DENND2B: variants seen among roughly 807,000 people sequenced by gnomAD.
DENND2B encodes DENN domain-containing protein 2B.
A neutral mutation model predicts 116.0 loss-of-function variants in DENND2B; 32 were observed. The ratio of observed to expected loss-of-function variants is 0.28; its 90% confidence interval spans 0.21 to 0.37. The LOEUF is 0.37. Ranked by LOEUF, DENND2B falls within the 10% of genes least tolerant of loss-of-function variation. DENND2B has a pLI of 1.00. For missense variants in DENND2B, 1,276 were observed against 1,477.7 expected (o/e 0.86, Z 2.24); for synonymous variants, 588 against 583.9 (o/e 1.01, Z -0.10).
intron 1 of DENND2B, among the ~76,000 whole-genome samples, chr11:8,807,666 T>C (rs1170867164): frequency 6.6e-6 from 1 of 152,156 alleles, no homozygotes; most frequent in Non-Finnish European, 1.5e-5. Flanking sequence ...TTTTTAATCC[T>C]TAAGGAACAT....
intron 11 of DENND2B, 157 bp from the exon 12 acceptor site, chr11:8,708,011 T>C (rs1592481162): frequency 6.5e-7 from 1 of 1,527,000 alleles, no homozygotes; most frequent in Non-Finnish European, 8.8e-7. Context: ...ACCAGAGCCC[T>C]GAAGGAACAG....
chr11:8,780,383 A>G (rs1054359642), intron 1 of DENND2B, among the ~76,000 whole-genome samples: 1 of 152,216 alleles, frequency 6.6e-6, no homozygotes, highest in Non-Finnish European at 1.5e-5. Context: ...AAGCTTAGGT[A>G]GAAGGAGATT....
chr11:8,781,472 GCAATAC>G (rs947766158), intron 1 of DENND2B, among the ~76,000 whole-genome samples: 4 of 152,100 alleles, frequency 2.6e-5, no homozygotes, highest in Non-Finnish European at 4.4e-5. Context: ...CAAAGAAGGG[GCAATAC>G]CACTTTTTGT....
intron 2 of DENND2B, among the ~76,000 whole-genome samples, chr11:8,735,718 TCCACCAGTCTTTGCTC>T (rs917124351): frequency 6.6e-6 from 1 of 152,216 alleles, no homozygotes; most frequent in African/African-American, 2.4e-5. Context: ...AGAATCAGCT[TCCACCAGTCTTTGCTC>T]CCAGGCTGAA....
At chr11:8,718,006 C>T in intron 4 of DENND2B, 114 bp from the exon 5 acceptor site, 3 of 1,241,720 alleles carry the variant, frequency 2.4e-6, no homozygotes, top group Middle Eastern at 2.0e-4. Context: ...ATGGCTTCTG[C>T]CTGGCCCCTC....
At chr11:8,823,490 C>G (rs1288034461) in intron 4 of DENND2B, among the ~76,000 whole-genome samples, 1 of 152,108 alleles carries the variant, frequency 6.6e-6, no homozygotes, top group African/African-American at 2.4e-5. Flanking sequence ...ATTGTAGTTC[C>G]CATAATCCCC....
intron 4 of DENND2B, among the ~76,000 whole-genome samples, chr11:8,838,852 G>T (rs1055062997): frequency 6.6e-6 from 1 of 152,164 alleles, no homozygotes; most frequent in African/African-American, 2.4e-5. Flanking sequence ...CACAAAAAGT[G>T]CTCACCAACA....
intron 3 of DENND2B, among the ~76,000 whole-genome samples, chr11:8,839,740 C>T (rs1334369541): frequency 1.3e-5 from 2 of 152,204 alleles, no homozygotes; most frequent in East Asian, 3.8e-4. Flanking sequence ...CCAGGACACA[C>T]ATTCCTAAGG....
intron 4 of DENND2B, among the ~76,000 whole-genome samples, chr11:8,822,576 G>C (rs1275720577): frequency 6.6e-6 from 1 of 152,334 alleles, no homozygotes. Context: ...TACTGAGATA[G>C]GATTTAAAAC....
At chr11:8,863,681 C>T (rs572381626) in intron 2 of DENND2B, among the ~76,000 whole-genome samples, 1 of 152,202 alleles carries the variant, frequency 6.6e-6, no homozygotes, top group South Asian at 2.1e-4. Context: ...AAGAAGGATT[C>T]AATTAATATA....
chr11:8,761,851 A>C lies in DENND2B; in HGVS notation c.-25-11126T>G, dbSNP rs549353734. 5.9e-5 allele frequency among the ~76,000 whole-genome samples: 9 copies of C among 152,328 alleles called. No individual in the cohort carries two copies. In the South Asian group the frequency reaches 1.9e-3, roughly 32 times the overall value. On this transcript the variant is annotated intron_variant, in intron 1 of 19. Transcript: ENST00000313726. ...CTAATACCTCCGTTTTACCACAGAT[A>C]GCTTACGGAGACTACTCCACCTCTA...
At chr11:8,815,862 A>C (rs1014244377) in intron 4 of DENND2B, among the ~76,000 whole-genome samples, 7 of 152,238 alleles carry the variant, frequency 4.6e-5, no homozygotes, top group African/African-American at 1.7e-4. Flanking sequence ...AGACTCTCCA[A>C]ACAAACAAAC....
At chr11:8,848,531 A>G (rs188454466) in intron 3 of DENND2B, among the ~76,000 whole-genome samples, 48 of 152,302 alleles carry the variant, frequency 3.2e-4, no homozygotes, top group Admixed American at 5.2e-4. Flanking sequence ...ATAACAGATG[A>G]TATTAAGGAA....
intron 4 of DENND2B, among the ~76,000 whole-genome samples, chr11:8,830,441 GT>G (rs2062159818): frequency 6.6e-6 from 1 of 152,152 alleles, no homozygotes; most frequent in South Asian, 2.1e-4. Context: ...TTCTCTACTT[GT>G]TTAACAAACA....
At chr11:8,769,459 T>C (rs2134169204) in intron 1 of DENND2B, among the ~76,000 whole-genome samples, 1 of 152,024 alleles carries the variant, frequency 6.6e-6, no homozygotes, top group South Asian at 2.1e-4. Context: ...GGAGTTTCAC[T>C]ATGTTGGCCA....
At chr11:8,888,589 T>C (rs1016664282) in intron 1 of DENND2B, among the ~76,000 whole-genome samples, 1 of 152,036 alleles carries the variant, frequency 6.6e-6, no homozygotes, top group African/African-American at 2.4e-5. Flanking sequence ...TGCATTAAAA[T>C]TAAAAATTTG....
chr11:8,765,913 C>T (rs999950302), intron 1 of DENND2B, among the ~76,000 whole-genome samples: 1 of 152,054 alleles, frequency 6.6e-6, no homozygotes, highest in Non-Finnish European at 1.5e-5. Flanking sequence ...GTGGTGCCTG[C>T]CTGTAGTCCC....
intron 1 of DENND2B, among the ~76,000 whole-genome samples, chr11:8,900,538 A>G (rs2064154214): frequency 6.6e-6 from 1 of 151,844 alleles, no homozygotes; most frequent in Non-Finnish European, 1.5e-5. Context: ...GGTGGAGGCA[A>G]CAGTGAGCCA....
chr11:8,769,589 C>T (rs1308907396), intron 1 of DENND2B, among the ~76,000 whole-genome samples: 2 of 152,102 alleles, frequency 1.3e-5, no homozygotes, highest in Non-Finnish European at 2.9e-5. Context: ...CTCCCATAAG[C>T]GTCTCGTCTT....
Sources: gnomAD v4.1 joint callset for allele counts (sites outside exome capture counted in the v4.1 genomes callset) on GRCh38, gnomAD v4.1.1 for gene constraint, MANE v1.5 for transcripts, NCBI Gene and HGNC (gene_info 2026-07-23, HGNC 2026-07-21) for gene names.